Variants in DCUN1D5 observed in about 807,000 individuals in gnomAD.
DCUN1D5 encodes defective in cullin neddylation 1 domain containing 5.
A neutral mutation model predicts 38.3 loss-of-function variants in DCUN1D5; 10 were observed. The observed-to-expected ratio is 0.26, with a 90% CI of 0.16 to 0.44. DCUN1D5 has a LOEUF of 0.44. Among genes scored for constraint, DCUN1D5 ranks in the 20% least tolerant of loss-of-function variants. DCUN1D5 has a pLI of 1.00. For missense variants in DCUN1D5, 148 were observed against 275.3 expected (o/e 0.54, Z 3.27); for synonymous variants, 93 against 90.9 (o/e 1.02, Z -0.13).
rs1156871632 is a variant in DCUN1D5 at position 103,057,661 on chromosome 11, A to G, written c.*4698T>C. ...CTTGAACCCAGGAGGTCGAGGCTGCAGTGAGCTGAGACCGCACCACTGCAC... is the reference window on the plus strand; with the variant it reads ...CTTGAACCCAGGAGGTCGAGGCTGCGGTGAGCTGAGACCGCACCACTGCAC... On this transcript the variant is annotated 3_prime_UTR_variant, in exon 8 of 8. Coordinates refer to ENST00000260247, the MANE Select transcript of DCUN1D5 (RefSeq NM_032299.4). This position sits in a 1 kb window ranked among gnomAD's most constrained non-coding sequence, Gnocchi z 4.8. 6.6e-6 allele frequency among the ~76,000 whole-genome samples: 1 copy of G among 152,038 alleles called. No individual in the cohort carries two copies. Among genetic ancestry groups the G allele is most frequent in the Admixed American group, 6.6e-5 (1 of 15,250 alleles).
At position 103,054,099 on chromosome 11, in the gene DCUN1D5, T is replaced by A. The variant is rs1023787841; in HGVS notation, c.*8260A>T. 1 of 152,078 alleles carries A rather than the reference T, an allele frequency of 6.6e-6. No individual in the cohort carries two copies. Among genetic ancestry groups the A allele is most frequent in the African/African-American group, 2.4e-5 (1 of 41,414 alleles). 9.4% of individuals were successfully genotyped at this position (152,078 alleles called of 1,614,324 possible). On this transcript the variant is annotated 3_prime_UTR_variant, in exon 8 of 8. Coordinates refer to ENST00000260247, the MANE Select transcript of DCUN1D5 (RefSeq NM_032299.4). ...TCATTCCAGAAGGTTCCATTTCATG[T>A]CAAACTTCTCAAACTGACGTAAGCC...
In DCUN1D5 at chr11:103,063,669, A is replaced by G. The variant is rs1177012553; in HGVS notation, c.658+606T>C. Reference sequence around the variant, plus strand: ...AACTGAAAAAAATTTATAGTTCTACAGAATTAACTTGGTTTATCTAATTAA... The same window carrying G: ...AACTGAAAAAAATTTATAGTTCTACGGAATTAACTTGGTTTATCTAATTAA... On this transcript the variant is annotated intron_variant, in intron 7 of 7. Transcript: ENST00000260247. The surrounding 1 kb of genome is among the most constrained non-coding windows in gnomAD (Gnocchi z 4.6). 6.6e-6 allele frequency among the ~76,000 whole-genome samples: 1 copy of G among 152,210 alleles called. No individual in the cohort carries two copies. Among genetic ancestry groups the G allele is most frequent in the Non-Finnish European group, 1.5e-5 (1 of 68,000 alleles).
rs977003137 is a variant in DCUN1D5 at position 103,054,661 on chromosome 11, T to C, written c.*7698A>G. ...ATTATTTCCTGAAAAAATGTTTTCA[T>C]GTCCAGGATTTCTTCTGACTGGCTT... On this transcript the variant is annotated 3_prime_UTR_variant, in exon 8 of 8. Transcript: ENST00000260247. The C allele has an allele frequency of 4.6e-5, 7 of 152,156 alleles. No homozygotes were observed. The highest frequency in any genetic ancestry group is 1.0e-4 in the Non-Finnish European group (7 of 67,998). 9.4% of individuals were successfully genotyped at this position (152,156 alleles called of 1,614,324 possible). A position where few individuals can be genotyped will look rare whatever the true frequency, so the allele number is the denominator to read the frequency against.
rs1374450255 is a variant in DCUN1D5, at chr11:103,063,443, A to C, written c.658+832T>G. Among the ~76,000 whole-genome samples the C allele has an allele frequency of 4.6e-5, 7 of 152,190 alleles. No individual in the cohort carries two copies. Among genetic ancestry groups the C allele is most frequent in the African/African-American group, 1.7e-4 (7 of 41,468 alleles). On this transcript the variant is annotated intron_variant, in intron 7 of 7. Coordinates refer to ENST00000260247, the MANE Select transcript of DCUN1D5 (RefSeq NM_032299.4). This position sits in a 1 kb window ranked among gnomAD's most constrained non-coding sequence, Gnocchi z 4.6. ...TGCTAGGTATTATTTCTTTAAAATA[A>C]TACTAAATTTTATACCATCTTGTAG...
At chr11:103,076,862 G>A (rs1317562093) in intron 4 of DCUN1D5, among the ~76,000 whole-genome samples, 1 of 152,128 alleles carries the variant, frequency 6.6e-6, no homozygotes, top group Admixed American at 6.5e-5. Context: ...ATGGTCTACT[G>A]TAAATCTTGA....
In DCUN1D5 at chr11:103,082,794, C is replaced by T; in HGVS notation, c.295G>A (p.Gly99Arg). The T allele has an allele frequency of 1.9e-6, 3 of 1,612,936 alleles. No homozygotes were observed. The highest frequency in any genetic ancestry group is 2.5e-6 in the Non-Finnish European group (3 of 1,179,304). The change falls in exon 4 of 8, where the codon GGA becomes AGA. Residue 99 changes from glycine (G) to arginine (R), a missense_variant. By Grantham distance (125) the Gly-to-Arg change is moderately radical (BLOSUM62 -2). Transcript: ENST00000260247. ...AACCATTCTTCCTTGGTAAAAAATC[C>T]CATGCTTTCAGCCTCCAATTTCCAC... ...LAWKLEAESMGFFTKEEWLKG... is the reference protein window; with the variant it reads ...LAWKLEAESMRFFTKEEWLKG...
rs1338215341 is a variant in DCUN1D5, at chr11:103,077,689, TGTAA to T, written c.341+5055_341+5058del. 1.3e-5 allele frequency among the ~76,000 whole-genome samples: 2 copies of T among 152,334 alleles called. No homozygotes were observed. Among genetic ancestry groups the T allele is most frequent in the Non-Finnish European group, 2.9e-5 (2 of 68,026 alleles). On this transcript the variant is annotated intron_variant, in intron 4 of 7. Transcript: ENST00000260247. The surrounding 1 kb of genome is among the most constrained non-coding windows in gnomAD (Gnocchi z 4.3). Reference sequence around the variant, plus strand: ...AAGAAAGTTTCATGCATGTATTAGATGTAAGTGAGGCTCTCTTCCTAATCCATAA... The same window carrying T: ...AAGAAAGTTTCATGCATGTATTAGATGTGAGGCTCTCTTCCTAATCCATAA...
At chr11:103,089,079 A>T in intron 2 of DCUN1D5, 148 bp downstream of exon 2, 1 of 588,612 alleles carries the variant, frequency 1.7e-6, no homozygotes, top group Non-Finnish European at 2.6e-6. Flanking sequence ...ACAAATTTTT[A>T]GTCTACCCAC....
intron 1 of DCUN1D5, among the ~76,000 whole-genome samples, chr11:103,090,557 G>T (rs1015353497): frequency 1.3e-5 from 2 of 152,194 alleles, no homozygotes; most frequent in African/African-American, 4.8e-5. Context: ...AGTAGCATCT[G>T]AAGTTGTCAT....
At position 103,063,556 on chromosome 11, in the gene DCUN1D5, ATTTCAG is replaced by A. The variant is rs1054696818; in HGVS notation, c.658+713_658+718del. 6.6e-6 allele frequency among the ~76,000 whole-genome samples: 1 copy of A among 152,150 alleles called. No homozygotes were observed. Among genetic ancestry groups the A allele is most frequent in the African/African-American group, 2.4e-5 (1 of 41,446 alleles). ...TCAGTGTCACAGAAAAAAGTGTATA[ATTTCAG>A]TTTAAGTTTATAGGAATGTACCTTT... On this transcript the variant is annotated intron_variant, in intron 7 of 7. Transcript: ENST00000260247. This position sits in a 1 kb window ranked among gnomAD's most constrained non-coding sequence, Gnocchi z 4.6.
chr11:103,066,178 A>G lies in DCUN1D5; in HGVS notation c.555+91T>C. ...TTTTTCTCTAAAGTTTTTTTAAAGC[A>G]TACTATTAAAAATCTACTTGTTCCT... On this transcript the variant is annotated intron_variant, in intron 6 of 7. Transcript: ENST00000260247. The surrounding 1 kb of genome is among the most constrained non-coding windows in gnomAD (Gnocchi z 4.7). 1 of 757,666 alleles carries G rather than the reference A, an allele frequency of 1.3e-6. No homozygotes were observed. The allele number at this position is 757,666 out of a possible 1,614,324, so 46.9% of individuals were successfully genotyped here. A position where few individuals can be genotyped will look rare whatever the true frequency, so the allele number is the denominator to read the frequency against.
chr11:103,087,882 G>C lies in DCUN1D5; in HGVS notation c.178+1345C>G, dbSNP rs910301248. The stretch of plus-strand genomic sequence containing the variant: ...ATTGTATCTAGTAACCTTTATAAGT[G>C]AAATAAGATGGGTGACCTTTTGATT... On this transcript the variant is annotated intron_variant, in intron 2 of 7. Transcript: ENST00000260247. The surrounding 1 kb of genome is among the most constrained non-coding windows in gnomAD (Gnocchi z 4.1). Among the ~76,000 whole-genome samples the C allele has an allele frequency of 6.6e-5, 10 of 152,074 alleles. No individual in the cohort carries two copies. Among genetic ancestry groups the C allele is most frequent in the African/African-American group, 2.4e-4 (10 of 41,398 alleles).
chr11:103,067,034 G>T (rs1314486143), intron 4 of DCUN1D5, among the ~76,000 whole-genome samples: 1 of 152,106 alleles, frequency 6.6e-6, no homozygotes, highest in Non-Finnish European at 1.5e-5. Context: ...ATAACACAGT[G>T]CAAATTAATA....
chr11:103,080,798 G>C (rs762985539), intron 4 of DCUN1D5, among the ~76,000 whole-genome samples: 78 of 152,292 alleles, frequency 5.1e-4, no homozygotes, highest in Admixed American at 1.2e-3. Context: ...CACAAGGTCA[G>C]GAGATTGAGA....
rs758289321 is a variant in DCUN1D5 at position 103,091,861 on chromosome 11, C to T, written c.12G>A (p.Lys4=). Reference sequence around the variant, plus strand: ...CCACCCCAGGGGATTTTCTCTTCTTCTTCACCGGCATCTTCCGCCCTCCCC... The same window carrying T: ...CCACCCCAGGGGATTTTCTCTTCTTTTTCACCGGCATCTTCCGCCCTCCCC... MPV[K]KKRKSPGVAA... is the part of the protein sequence containing the mutation. The change falls in exon 1 of 8, where the codon AAG becomes AAA. Residue 4 remains lysine (K), a synonymous_variant. Coordinates refer to ENST00000260247, the MANE Select transcript of DCUN1D5 (RefSeq NM_032299.4). This position sits in a 1 kb window ranked among gnomAD's most constrained non-coding sequence, Gnocchi z 4.3. The T allele has an allele frequency of 1.9e-5, 30 of 1,613,530 alleles. No individual in the cohort carries two copies. The highest frequency in any genetic ancestry group is 1.7e-5 in the Admixed American group (1 of 59,988).
rs1348473877 is a variant in DCUN1D5, at chr11:103,058,859, A to G, written c.*3500T>C. On this transcript the variant is annotated 3_prime_UTR_variant, in exon 8 of 8. Transcript: ENST00000260247. ...AGGGAAGGATTCCTCCTTAGAGGTA[A>G]GAATTCTTCTTTAGGAGTAAGACTT... is the stretch of plus-strand genomic sequence containing the variant. Among the ~76,000 whole-genome samples the G allele has an allele frequency of 1.3e-5, 2 of 151,612 alleles. No homozygotes were observed. The highest frequency in any genetic ancestry group is 2.9e-5 in the Non-Finnish European group (2 of 67,986).
Position 103,059,377 on chromosome 11 carries a change from A to G in DCUN1D5, c.*2982T>C, listed in dbSNP as rs1003773729. Among the ~76,000 whole-genome samples, 3 of 152,122 alleles carry G rather than the reference A, an allele frequency of 2.0e-5. No individual in the cohort carries two copies. The highest frequency in any genetic ancestry group is 4.4e-5 in the Non-Finnish European group (3 of 68,014). On this transcript the variant is annotated 3_prime_UTR_variant, in exon 8 of 8. Coordinates refer to ENST00000260247, the MANE Select transcript of DCUN1D5 (RefSeq NM_032299.4). The stretch of plus-strand genomic sequence containing the variant: ...CCCCGAGTGATGGCATTCAATATTA[A>G]GATATAATTTTTGGTTTGCTAGATG...
At chr11:103,068,024 A>G (rs9633976) in intron 4 of DCUN1D5, among the ~76,000 whole-genome samples, 3 of 152,174 alleles carry the variant, frequency 2.0e-5, no homozygotes. Flanking sequence ...TTTAATGGCC[A>G]TAGGGCCATT....
chr11:103,075,420 C>T (rs764413798), intron 4 of DCUN1D5, among the ~76,000 whole-genome samples: 9 of 151,650 alleles, frequency 5.9e-5, no homozygotes, highest in African/African-American at 4.8e-5. Context: ...CTCACTCTGT[C>T]GCCCAGGCTG....
Sources: gnomAD v4.1 joint callset for allele counts (sites outside exome capture counted in the v4.1 genomes callset) on GRCh38, gnomAD v4.1.1 for gene constraint, Gnocchi (gnomAD v3.1) non-coding constraint, MANE v1.5 for transcripts, NCBI Gene and HGNC (gene_info 2026-07-23, HGNC 2026-07-21) for gene names.